The following RARB variants were observed in gnomAD, a reference collection of about 807,000 sequenced individuals.
RARB encodes retinoic acid receptor beta, also known as HBV-activated protein.
A neutral mutation model predicts 51.9 loss-of-function variants in RARB; 17 were observed. The ratio of observed to expected loss-of-function variants is 0.33; its 90% CI spans 0.22 to 0.49. The LOEUF is 0.49. Ranked by LOEUF, RARB falls within the 20% of genes least tolerant of loss-of-function variation. RARB has a pLI of 0.99. For missense variants in RARB, 369 were observed against 550.8 expected (o/e 0.67, Z 3.30); for synonymous variants, 215 against 195.4 (o/e 1.10, Z -0.84).
At chr3:25,272,468 G>A (rs1341932745) in intron 5 of RARB, among the ~76,000 whole-genome samples, 3 of 152,192 alleles carry the variant, frequency 2.0e-5, no homozygotes, top group Non-Finnish European at 4.4e-5. Flanking sequence ...GTCATCTGAG[G>A]CAGGTGATGC....
chr3:25,454,942 C>T (rs546990923), intron 1 of RARB, among the ~76,000 whole-genome samples: 1 of 152,318 alleles, frequency 6.6e-6, no homozygotes, highest in East Asian at 1.9e-4. Context: ...AATGAATCAA[C>T]CCAAGAGCTG....
At chr3:25,211,673 C>T (rs978808212) in intron 5 of RARB, among the ~76,000 whole-genome samples, 2 of 151,868 alleles carry the variant, frequency 1.3e-5, no homozygotes, top group Non-Finnish European at 2.9e-5. Flanking sequence ...TATTAAGGGC[C>T]CAACAGTGAA....
intron 5 of RARB, among the ~76,000 whole-genome samples, chr3:25,393,262 T>C (rs2125488850): frequency 6.6e-6 from 1 of 152,302 alleles, no homozygotes; most frequent in African/African-American, 2.4e-5. Flanking sequence ...GCGGATTATC[T>C]TTTGATAGGC....
intron 2 of RARB, among the ~76,000 whole-genome samples, chr3:24,871,990 C>T (rs994884548): frequency 1.1e-4 from 17 of 152,234 alleles, no homozygotes; most frequent in African/African-American, 3.9e-4. Flanking sequence ...TGAAAAGGGG[C>T]CTGCTTTGTT....
chr3:25,022,742 A>G (rs1697665136), intron 2 of RARB, among the ~76,000 whole-genome samples: 1 of 152,190 alleles, frequency 6.6e-6, no homozygotes, highest in Admixed American at 6.5e-5. Flanking sequence ...GTAGTTAACA[A>G]GATGACAATG....
At chr3:25,008,222 C>T (rs1229790680) in intron 2 of RARB, among the ~76,000 whole-genome samples, 2 of 152,080 alleles carry the variant, frequency 1.3e-5, no homozygotes, top group Non-Finnish European at 2.9e-5. Flanking sequence ...TGCCTTTTGG[C>T]AGGGCTTGTA....
chr3:25,371,545 T>C (rs1156891718), intron 5 of RARB, among the ~76,000 whole-genome samples: 1 of 152,230 alleles, frequency 6.6e-6, no homozygotes, highest in East Asian at 1.9e-4. Flanking sequence ...ATAAATGAAT[T>C]TTCAAGCCAG....
chr3:25,359,238 T>C (rs935361050), intron 5 of RARB, among the ~76,000 whole-genome samples: 3 of 152,200 alleles, frequency 2.0e-5, no homozygotes, highest in Non-Finnish European at 4.4e-5. Flanking sequence ...AATTTATCCA[T>C]TTCTTGTAGA....
intron 2 of RARB, among the ~76,000 whole-genome samples, chr3:24,971,427 A>G (rs747830885): frequency 1.6e-4 from 24 of 152,228 alleles, no homozygotes; most frequent in Admixed American, 4.6e-4. Context: ...GAAGATAGAC[A>G]TAACTTTAGT....
chr3:25,574,555 C>T (rs1476512364), intron 4 of RARB, among the ~76,000 whole-genome samples: 1 of 152,216 alleles, frequency 6.6e-6, no homozygotes, highest in African/African-American at 2.4e-5. Context: ...GTGCTGTCTG[C>T]TCCGGGCCGC....
At chr3:25,068,133 C>CAAAAAAAAAAAAAAAAAA (rs55826425) in intron 3 of RARB, among the ~76,000 whole-genome samples, 2 of 33,268 alleles carry the variant, frequency 6.0e-5, no homozygotes, top group African/African-American at 1.0e-4. Flanking sequence ...GACTCCATCT[C>CAAAAAAAAAAAAAAAAAA]AAAAAAAAAA....
At chr3:24,882,251 C>T (rs1486443826) in intron 2 of RARB, among the ~76,000 whole-genome samples, 1 of 152,162 alleles carries the variant, frequency 6.6e-6, no homozygotes, top group Non-Finnish European at 1.5e-5. Context: ...TGATTACAGT[C>T]GGCCCTTTGT....
intron 4 of RARB, among the ~76,000 whole-genome samples, chr3:25,580,100 C>A (rs142124488): frequency 1.3e-3 from 192 of 152,364 alleles, no homozygotes; most frequent in African/African-American, 4.4e-3. Flanking sequence ...TCCGACCGGA[C>A]ACAGTGGCTC....
chr3:25,379,599 C>G (rs1401389900), intron 5 of RARB, among the ~76,000 whole-genome samples: 1 of 152,178 alleles, frequency 6.6e-6, no homozygotes, highest in African/African-American at 2.4e-5. Context: ...TCAGAGTTGT[C>G]AGCAAGTACA....
intron 2 of RARB, among the ~76,000 whole-genome samples, chr3:25,466,357 C>G (rs919915162): frequency 1.3e-5 from 2 of 152,072 alleles, no homozygotes; most frequent in Non-Finnish European, 2.9e-5. Flanking sequence ...CCACCACACC[C>G]AGCTAATTTT....
chr3:25,319,014 C>T (rs944236842), intron 5 of RARB, among the ~76,000 whole-genome samples: 7 of 152,002 alleles, frequency 4.6e-5, no homozygotes, highest in Non-Finnish European at 7.4e-5. Context: ...TTTAAGAAGA[C>T]GTAATTTAGC....
chr3:25,555,909 G>A (rs1028525876), intron 3 of RARB, among the ~76,000 whole-genome samples: 1 of 152,180 alleles, frequency 6.6e-6, no homozygotes, highest in Non-Finnish European at 1.5e-5. Context: ...TCTGGGCATG[G>A]GTGTGGGTGT....
chr3:25,097,556 C>T (rs377114976), intron 3 of RARB, among the ~76,000 whole-genome samples: 1 of 152,142 alleles, frequency 6.6e-6, no homozygotes, highest in African/African-American at 2.4e-5. Context: ...GAGGGAGGCT[C>T]GCTTGAGCCC....
intron 3 of RARB, among the ~76,000 whole-genome samples, chr3:25,542,627 A>G (rs891205157): frequency 6.6e-6 from 1 of 152,256 alleles, no homozygotes; most frequent in Non-Finnish European, 1.5e-5. Context: ...ACAAAATTTT[A>G]TGTAACGAAG....
Sources: gnomAD v4.1 joint callset for allele counts (sites outside exome capture counted in the v4.1 genomes callset) on GRCh38, gnomAD v4.1.1 for gene constraint, MANE v1.5 for transcripts, NCBI Gene and HGNC (gene_info 2026-07-23, HGNC 2026-07-21) for gene names.